CHRM2: variants seen among roughly 807,000 people sequenced by gnomAD.
CHRM2 encodes the protein cholinergic receptor muscarinic 2.
In CHRM2, 8 loss-of-function variants were observed where a neutral mutation model predicts 25.0. The ratio of observed to expected loss-of-function variants is 0.32; its 90% CI spans 0.19 to 0.58. The LOEUF (loss-of-function observed/expected upper bound fraction) is 0.58. CHRM2 is among the 20% of genes least tolerant of loss of function. CHRM2 has a pLI of 0.88. For missense variants in CHRM2, 440 were observed against 567.1 expected (o/e 0.78, Z 2.28); for synonymous variants, 202 against 205.7 (o/e 0.98, Z 0.15).
chr7:136,957,399 G>T (rs1037906142), intron 2 of CHRM2, among the ~76,000 whole-genome samples: 1 of 152,186 alleles, frequency 6.6e-6, no homozygotes, highest in Non-Finnish European at 1.5e-5. Flanking sequence ...TTTTCAAGTT[G>T]TTGACTTATT....
chr7:136,947,584 T>C (rs1800142461), intron 2 of CHRM2, among the ~76,000 whole-genome samples: 1 of 152,210 alleles, frequency 6.6e-6, no homozygotes, highest in Admixed American at 6.6e-5. Context: ...GAGGCCTCTT[T>C]ATGTTGTAGA....
intron 2 of CHRM2, among the ~76,000 whole-genome samples, chr7:136,881,518 C>T (rs1204004032): frequency 6.6e-6 from 1 of 151,862 alleles, no homozygotes; most frequent in East Asian, 1.9e-4. Flanking sequence ...TCTTACATTT[C>T]CATATTCTTA....
chr7:136,969,473 G>T (rs2130924126), intron 2 of CHRM2, among the ~76,000 whole-genome samples: 1 of 152,060 alleles, frequency 6.6e-6, no homozygotes, highest in African/African-American at 2.4e-5. Flanking sequence ...CCTGTATCTT[G>T]CTTACCTCTA....
At chr7:137,005,232 C>T (rs1464496207) in intron 3 of CHRM2, among the ~76,000 whole-genome samples, 2 of 152,084 alleles carry the variant, frequency 1.3e-5, no homozygotes, top group African/African-American at 4.8e-5. Flanking sequence ...GTCTACAAAA[C>T]ACAATCCACT....
intron 2 of CHRM2, among the ~76,000 whole-genome samples, chr7:136,900,300 G>A (rs1310356876): frequency 2.6e-5 from 4 of 152,036 alleles, no homozygotes; most frequent in Admixed American, 6.6e-5. Flanking sequence ...TAACCTAAAT[G>A]TTTTGCAGCC....
chr7:136,943,924 C>A (rs2130826922), intron 2 of CHRM2, among the ~76,000 whole-genome samples: 1 of 152,220 alleles, frequency 6.6e-6, no homozygotes, highest in Admixed American at 6.5e-5. Context: ...CCCATGTATA[C>A]AACAGGGCAT....
intron 2 of CHRM2, among the ~76,000 whole-genome samples, chr7:136,874,496 T>C (rs146019464): frequency 1.1e-4 from 16 of 152,138 alleles, no homozygotes; most frequent in African/African-American, 3.6e-4. Flanking sequence ...TCATTTTCTT[T>C]CATTAGTAAT....
In CHRM2 at chr7:136,909,370, A is replaced by G. The variant is rs531024816; in HGVS notation, c.-125+39952A>G. Among the ~76,000 whole-genome samples, 4 of 152,058 alleles carry G rather than the reference A, an allele frequency of 2.6e-5. No individual in the cohort carries two copies. In the East Asian group the frequency reaches 7.8e-4, roughly 30 times the overall value. On this transcript the variant is annotated intron_variant, in intron 2 of 3. Coordinates refer to ENST00000680005, the MANE Select transcript of CHRM2 (RefSeq NM_001006630.2). ...ATTTTTGGAGAGATGGTAACAGACG[A>G]TAGTATTTACTGATTACCATATGCC...
chr7:136,908,712 T>C (rs1274580520), intron 2 of CHRM2, among the ~76,000 whole-genome samples: 1 of 151,980 alleles, frequency 6.6e-6, no homozygotes, highest in African/African-American at 2.4e-5. Flanking sequence ...CAAAGCCAAA[T>C]TTCTGACGGA....
At chr7:136,975,404 TCTATC>T in intron 2 of CHRM2, among the ~76,000 whole-genome samples, 1 of 152,202 alleles carries the variant, frequency 6.6e-6, no homozygotes, top group Middle Eastern at 3.4e-3. Flanking sequence ...ACATAAATTT[TCTATC>T]ACAGGCCCCA....
chr7:137,002,437 A>T (rs941476376), intron 3 of CHRM2, among the ~76,000 whole-genome samples: 10 of 152,178 alleles, frequency 6.6e-5, no homozygotes, highest in Non-Finnish European at 1.5e-4. Context: ...CCTCAGAAAG[A>T]TCATCTTTTT....
intron 2 of CHRM2, among the ~76,000 whole-genome samples, chr7:136,948,028 G>A (rs999924069): frequency 1.3e-5 from 2 of 152,156 alleles, no homozygotes; most frequent in African/African-American, 4.8e-5. Context: ...TCTTCATTGT[G>A]GTTCCAGTCC....
intron 3 of CHRM2, among the ~76,000 whole-genome samples, chr7:137,013,490 G>A (rs965266189): frequency 6.6e-6 from 1 of 151,888 alleles, no homozygotes; most frequent in African/African-American, 2.4e-5. Context: ...TCTCAGCAAT[G>A]CTTATTTTCT....
chr7:136,901,957 G>A (rs1187701034), intron 2 of CHRM2: 2 of 151,834 alleles, frequency 1.3e-5, no homozygotes, highest in Admixed American at 1.3e-4. Context: ...CCATTACACA[G>A]CCAGACAGGA....
chr7:136,964,189 A>T (rs190416784), intron 2 of CHRM2, among the ~76,000 whole-genome samples: 1 of 152,150 alleles, frequency 6.6e-6, no homozygotes, highest in Non-Finnish European at 1.5e-5. Flanking sequence ...TTTCAAAAAA[A>T]ATTATTATTA....
chr7:136,947,642 A>G (rs190172951), intron 2 of CHRM2, among the ~76,000 whole-genome samples: 169 of 152,272 alleles, frequency 1.1e-3, no homozygotes, highest in Non-Finnish European at 1.9e-3. Flanking sequence ...TCTGCTAAGA[A>G]ACCTGCTTCT....
chr7:136,958,448 CTTTTTTTTTT>C (rs56127104), intron 2 of CHRM2, among the ~76,000 whole-genome samples: 1 of 91,148 alleles, frequency 1.1e-5, no homozygotes, highest in African/African-American at 4.4e-5. Flanking sequence ...GCAGTGTCAT[CTTTTTTTTTT>C]TTTTTTTTTT....
chr7:137,009,376 T>C (rs1241247901), intron 3 of CHRM2, among the ~76,000 whole-genome samples: 2 of 152,120 alleles, frequency 1.3e-5, no homozygotes, highest in Non-Finnish European at 2.9e-5. Context: ...TGGTGATATG[T>C]TTTATGAAGA....
At chr7:136,887,413 G>T (rs1796510019) in intron 2 of CHRM2, among the ~76,000 whole-genome samples, 1 of 151,984 alleles carries the variant, frequency 6.6e-6, no homozygotes, top group South Asian at 2.1e-4. Context: ...CTTGTCCAAG[G>T]TGACACAGCT....
Sources: allele counts gnomAD v4.1 joint callset (sites outside exome capture counted in the v4.1 genomes callset), GRCh38; gene constraint gnomAD v4.1.1; transcripts MANE v1.5; gene names NCBI Gene and HGNC (gene_info 2026-07-23, HGNC 2026-07-21).